Variants in PRIM2 observed in about 807,000 individuals in gnomAD.
PRIM2 encodes the protein DNA primase large subunit.
In PRIM2, 39 loss-of-function variants were observed where a neutral mutation model predicts 67.3. That is an observed-to-expected ratio of 0.58 (90% CI 0.45 to 0.76). PRIM2 has a LOEUF of 0.76. PRIM2 is among the 30% of genes least tolerant of loss of function. The pLI, the probability that PRIM2 is intolerant of heterozygous loss-of-function variation, is 0.00. For synonymous variants in PRIM2, 143 were observed against 198.7 expected (o/e 0.72, Z 2.36); for missense variants, 398 against 598.7 (o/e 0.66, Z 3.50).
Position 57,621,220 on chromosome 6 carries a change from A to C in PRIM2, c.1231-10913A>C, listed in dbSNP as rs1776847694. On this transcript the variant is annotated intron_variant, in intron 12 of 13. Coordinates refer to ENST00000615550, the MANE Select transcript of PRIM2 (RefSeq NM_000947.5). The stretch of plus-strand genomic sequence containing the variant: ...GAGGAGCCTATTTCTGATCTGATGA[A>C]GACTTTCTTGTTCAGTCTTCACATT... Among the ~76,000 whole-genome samples, 5 of 152,342 alleles carry C rather than the reference A, an allele frequency of 3.3e-5. No homozygotes were observed. In the East Asian group the frequency reaches 9.7e-4, roughly 29 times the overall value.
chr6:57,332,189 C>A (rs1168735478), intron 5 of PRIM2, among the ~76,000 whole-genome samples: 1 of 151,856 alleles, frequency 6.6e-6, no homozygotes, highest in Non-Finnish European at 1.5e-5. Context: ...TCCTGAACTT[C>A]TGTTACTGGT....
chr6:57,229,243 T>G, the PRIM2 span, among the ~76,000 whole-genome samples: 1 of 152,312 alleles, frequency 6.6e-6, no homozygotes, highest in East Asian at 1.9e-4. Context: ...ACCCCTCTTA[T>G]AATTTTCATA....
At chr6:57,329,299 T>C (rs1423139331) in intron 5 of PRIM2, among the ~76,000 whole-genome samples, 1 of 152,220 alleles carries the variant, frequency 6.6e-6, no homozygotes, top group African/African-American at 2.4e-5. Context: ...CTGTGGTTCA[T>C]TTTGTGTTAA....
At chr6:57,333,737 C>T (rs1052790638) in intron 5 of PRIM2, among the ~76,000 whole-genome samples, 1 of 151,516 alleles carries the variant, frequency 6.6e-6, no homozygotes, top group Admixed American at 6.6e-5. Context: ...TCTCAATTTT[C>T]TATTTATTTA....
At chr6:57,576,147 A>G (rs1362165773) in intron 10 of PRIM2, among the ~76,000 whole-genome samples, 1 of 151,906 alleles carries the variant, frequency 6.6e-6, no homozygotes, top group Non-Finnish European at 1.5e-5. Context: ...TGTTCCCAAC[A>G]TGTTGGGAAG....
At chr6:57,446,433 T>TTTTTTTTTTTTTTTA (rs1772369420) in intron 7 of PRIM2, among the ~76,000 whole-genome samples, 3 of 143,322 alleles carry the variant, frequency 2.1e-5, no homozygotes, top group African/African-American at 7.8e-5. Context: ...TTTTTTTTTT[T>TTTTTTTTTTTTTTTA]GAGACAGTCT....
intron 5 of PRIM2, among the ~76,000 whole-genome samples, chr6:57,354,219 C>G (rs1581820803): frequency 1.3e-5 from 2 of 151,926 alleles, no homozygotes; most frequent in South Asian, 4.1e-4. Context: ...ACTTCTCTTT[C>G]TCCTTCCATG....
chr6:57,597,301 T>G (rs1776384023), intron 10 of PRIM2, among the ~76,000 whole-genome samples: 2 of 151,578 alleles, frequency 1.3e-5, no homozygotes, highest in South Asian at 4.2e-4. Flanking sequence ...TAGTTAGAGT[T>G]GTGGATAGGA....
the PRIM2 span, among the ~76,000 whole-genome samples, chr6:57,271,776 T>G: frequency 6.6e-6 from 1 of 152,240 alleles, no homozygotes; most frequent in East Asian, 1.9e-4. Context: ...GTGCTATAAA[T>G]TTCCTTCTAC....
At chr6:57,590,181 A>G (rs1200695449) in intron 10 of PRIM2, among the ~76,000 whole-genome samples, 2 of 152,176 alleles carry the variant, frequency 1.3e-5, no homozygotes, top group African/African-American at 4.8e-5. Flanking sequence ...AGCACTGGAT[A>G]TTGGAATCAC....
At chr6:57,357,286 G>A (rs73748652) in intron 5 of PRIM2, among the ~76,000 whole-genome samples, 6 of 152,092 alleles carry the variant, frequency 3.9e-5, no homozygotes, top group East Asian at 1.9e-4. Context: ...AGATGTCTAT[G>A]CTACAGCCCC....
At chr6:57,464,622 G>T (rs1373755111) in intron 7 of PRIM2, among the ~76,000 whole-genome samples, 3 of 152,022 alleles carry the variant, frequency 2.0e-5, no homozygotes, top group African/African-American at 7.2e-5. Flanking sequence ...AACCTAATAG[G>T]TACTCAGTGT....
At chr6:57,626,932 T>TA in intron 12 of PRIM2, among the ~76,000 whole-genome samples, 2 of 151,950 alleles carry the variant, frequency 1.3e-5, no homozygotes. Flanking sequence ...AGCCTGTTTT[T>TA]AAAAACTGTA....
intron 10 of PRIM2, among the ~76,000 whole-genome samples, chr6:57,562,124 A>C (rs1376481287): frequency 2.0e-5 from 3 of 152,172 alleles, no homozygotes; most frequent in African/African-American, 7.2e-5. Context: ...ACCCCAAAAC[A>C]ATTCCATTAG....
chr6:57,395,754 G>GA (rs1770497027), intron 7 of PRIM2, among the ~76,000 whole-genome samples: 1 of 152,092 alleles, frequency 6.6e-6, no homozygotes, highest in South Asian at 2.1e-4. Context: ...TGTGACCTTA[G>GA]AATGTCAATT....
At chr6:57,238,227 C>T in the PRIM2 span, among the ~76,000 whole-genome samples, 2 of 152,234 alleles carry the variant, frequency 1.3e-5, no homozygotes, top group Admixed American at 6.5e-5. Flanking sequence ...TAGACATCTA[C>T]AGAACTCTCC....
At chr6:57,533,132 A>C in intron 9 of PRIM2, among the ~76,000 whole-genome samples, 1 of 152,074 alleles carries the variant, frequency 6.6e-6, no homozygotes, top group East Asian at 1.9e-4. Context: ...TTGATATATG[A>C]ATTTCAGGGG....
In PRIM2 at chr6:57,459,926, C is replaced by T. The variant is rs1562765179; in HGVS notation, c.694-47461C>T. Among the ~76,000 whole-genome samples, 23 of 152,244 alleles carry T rather than the reference C, an allele frequency of 1.5e-4. No homozygotes were observed. The South Asian group carries it at 4.8e-3, about 32-fold the overall frequency. ...AAGCTGACACATAAAAATTAAGCAC[C>T]CCTAGGTGAAAAGGTACTGCCTGCA... On this transcript the variant is annotated intron_variant, in intron 7 of 13. Transcript: ENST00000615550.
chr6:57,436,502 C>T lies in PRIM2; in HGVS notation c.693+54334C>T, dbSNP rs115697379. On this transcript the variant is annotated intron_variant, in intron 7 of 13. Coordinates refer to ENST00000615550, the MANE Select transcript of PRIM2 (RefSeq NM_000947.5). The stretch of plus-strand genomic sequence containing the variant: ...ACCTTATAAGCAATAATGAATTGGA[C>T]TCCCATTGGTAGTCCTGAACACTGG... 9.4e-3 allele frequency among the ~76,000 whole-genome samples: 1,435 copies of T among 152,308 alleles called. 11 individuals are homozygous for T. The highest frequency in any genetic ancestry group is 0.014 in the Non-Finnish European group (978 of 68,030).
Sources: allele counts gnomAD v4.1 joint callset (sites outside exome capture counted in the v4.1 genomes callset), GRCh38; gene constraint gnomAD v4.1.1; transcripts MANE v1.5; gene names NCBI Gene and HGNC (gene_info 2026-07-23, HGNC 2026-07-21).